Variants in ZC3H13 observed in about 807,000 individuals in gnomAD.
ZC3H13 encodes zinc finger CCCH domain-containing protein 13.
A neutral mutation model predicts 204.1 loss-of-function variants in ZC3H13; 64 were observed. The observed-to-expected ratio is 0.31, with a 90% confidence interval of 0.26 to 0.39. The LOEUF (loss-of-function observed/expected upper bound fraction) is 0.39, where lower values mean the gene tolerates loss of function less well. Ranked by LOEUF, ZC3H13 falls within the 10% of genes least tolerant of loss-of-function variation. The probability of loss-of-function intolerance (pLI) is 1.00; values close to 1 mark genes in which losing one functional copy is unlikely to be tolerated. For missense variants in ZC3H13, 1,833 were observed against 2,082.7 expected, an observed-to-expected ratio of 0.88 and a Z score of 2.33; for synonymous variants, 667 against 693.7, an observed-to-expected ratio of 0.96 and a Z score of 0.60.
chr13:45,965,794 T>C (rs1952030018), intron 15 of ZC3H13, among the ~76,000 whole-genome samples: 1 of 152,148 alleles, frequency 6.6e-6, no homozygotes, highest in South Asian at 2.1e-4. Context: ...CTTCAAAAGA[T>C]TTTGAAGTTA....
At chr13:45,966,191 A>G (rs1187236053) in intron 15 of ZC3H13, among the ~76,000 whole-genome samples, 1 of 152,200 alleles carries the variant, frequency 6.6e-6, no homozygotes, top group African/African-American at 2.4e-5. Flanking sequence ...TAACGTTTAC[A>G]ATCACTAGCT....
At chr13:46,042,498 A>G (rs977906414) in intron 3 of ZC3H13, among the ~76,000 whole-genome samples, 2 of 152,128 alleles carry the variant, frequency 1.3e-5, no homozygotes, top group Non-Finnish European at 2.9e-5. Flanking sequence ...TCCCAATAAC[A>G]ATCAAAATGT....
At chr13:45,998,310 A>C (rs2040484989) in intron 8 of ZC3H13, among the ~76,000 whole-genome samples, 1 of 152,198 alleles carries the variant, frequency 6.6e-6, no homozygotes, top group African/African-American at 2.4e-5. Context: ...AGTTATGTTT[A>C]CACTATACTG....
chr13:46,026,594 T>C (rs994119712), intron 4 of ZC3H13, among the ~76,000 whole-genome samples: 27 of 151,538 alleles, frequency 1.8e-4, no homozygotes, highest in Admixed American at 1.3e-4. Context: ...TTCAAAAATA[T>C]GAAGAAAAAC....
chr13:45,988,717 CATCTCT>C, intron 9 of ZC3H13, 64 bp downstream of exon 9: 1 of 1,503,924 alleles, frequency 6.6e-7, no homozygotes, highest in South Asian at 1.3e-5. Flanking sequence ...AGTCTTTCTC[CATCTCT>C]TAGTACAACA....
intron 10 of ZC3H13, among the ~76,000 whole-genome samples, chr13:45,983,239 C>T (rs1209546410): frequency 6.6e-6 from 1 of 151,244 alleles, no homozygotes; most frequent in Non-Finnish European, 1.5e-5. Context: ...TCCCAAAGAA[C>T]TGACTTTCAA....
At chr13:46,050,308 T>C (rs1488516615) in intron 1 of ZC3H13, among the ~76,000 whole-genome samples, 2 of 152,138 alleles carry the variant, frequency 1.3e-5, no homozygotes, top group Non-Finnish European at 2.9e-5. Context: ...AGGGTCTCTT[T>C]TTGAATAATG....
intron 18 of ZC3H13, among the ~76,000 whole-genome samples, chr13:45,958,427 G>C (rs1166193138): frequency 1.2e-4 from 18 of 152,054 alleles, no homozygotes; most frequent in Admixed American, 1.1e-3. Context: ...GAAATGCTTT[G>C]GACCAGAAAT....
At chr13:46,034,210 T>C (rs928656668) in intron 4 of ZC3H13, among the ~76,000 whole-genome samples, 1 of 152,092 alleles carries the variant, frequency 6.6e-6, no homozygotes, top group South Asian at 2.1e-4. Context: ...AGATGCAAAA[T>C]GGAACAACCA....
chr13:45,979,747 C>T, intron 11 of ZC3H13, 66 bp downstream of exon 11: 4 of 1,457,176 alleles, frequency 2.7e-6, no homozygotes, highest in Non-Finnish European at 1.8e-6. Flanking sequence ...AAATTGGTAA[C>T]TGTTTGAAAA....
At chr13:45,996,553 T>C (rs1052939704) in intron 8 of ZC3H13, among the ~76,000 whole-genome samples, 6 of 152,188 alleles carry the variant, frequency 3.9e-5, no homozygotes, top group Non-Finnish European at 7.3e-5. Flanking sequence ...CACAGTGAAA[T>C]CTTTTGTCGT....
chr13:46,042,758 T>C (rs1022374156), intron 3 of ZC3H13, among the ~76,000 whole-genome samples: 13 of 152,046 alleles, frequency 8.6e-5, no homozygotes, highest in African/African-American at 3.1e-4. Context: ...ATAAGTTTCT[T>C]GTATACACAT....
intron 5 of ZC3H13, among the ~76,000 whole-genome samples, chr13:46,016,595 T>G (rs1301308300): frequency 6.6e-6 from 1 of 152,068 alleles, no homozygotes; most frequent in Non-Finnish European, 1.5e-5. Context: ...GAGGAGTGAC[T>G]AGAAGAAAAC....
chr13:46,035,890 G>T (rs1176715292), intron 4 of ZC3H13, among the ~76,000 whole-genome samples: 1 of 152,130 alleles, frequency 6.6e-6, no homozygotes, highest in African/African-American at 2.4e-5. Context: ...TCCACTGCAG[G>T]AGTCCTGCTA....
At chr13:46,035,098 T>A (rs2043131694) in intron 4 of ZC3H13, among the ~76,000 whole-genome samples, 1 of 152,170 alleles carries the variant, frequency 6.6e-6, no homozygotes, top group South Asian at 2.1e-4. Flanking sequence ...TGTGTGCCAG[T>A]GTGCATGTGT....
intron 11 of ZC3H13, among the ~76,000 whole-genome samples, 194 bp downstream of exon 11, chr13:45,979,619 C>A (rs550372167): frequency 6.6e-6 from 1 of 152,202 alleles, no homozygotes; most frequent in African/African-American, 2.4e-5. Flanking sequence ...AGGTACTGGT[C>A]ACTAGCTATT....
At chr13:46,036,474 G>C (rs1216481072) in intron 4 of ZC3H13, among the ~76,000 whole-genome samples, 1 of 151,886 alleles carries the variant, frequency 6.6e-6, no homozygotes, top group East Asian at 1.9e-4. Flanking sequence ...GTTGGGGTGG[G>C]GTAGGAAACA....
At chr13:45,980,983 T>A (rs1953536658) in intron 10 of ZC3H13, among the ~76,000 whole-genome samples, 1 of 152,238 alleles carries the variant, frequency 6.6e-6, no homozygotes, top group Non-Finnish European at 1.5e-5. Context: ...AGATGTTAGA[T>A]GTTAACACTG....
In ZC3H13 at chr13:46,042,412, C is replaced by A. The variant is rs926176596; in HGVS notation, c.228-137G>T. ...ATCTCAATACACTTTTTCTAACTGA[C>A]CTTGACTCCTGAATTTCTGAAAAAT... is the stretch of plus-strand genomic sequence containing the variant. On this transcript the variant is annotated intron_variant, in intron 3 of 18. Coordinates refer to ENST00000679008, the MANE Select transcript of ZC3H13 (RefSeq NM_001330564.2). 2.8e-5 allele frequency: 15 copies of A among 540,472 alleles called. No individual in the cohort carries two copies. The East Asian group carries it at 4.8e-4, about 17-fold the overall frequency. 33.5% of individuals were successfully genotyped at this position (540,472 alleles called of 1,614,324 possible).
Sources: allele counts gnomAD v4.1 joint callset (sites outside exome capture counted in the v4.1 genomes callset), GRCh38; gene constraint gnomAD v4.1.1; transcripts MANE v1.5; gene names NCBI Gene and HGNC (gene_info 2026-07-23, HGNC 2026-07-21).